Variants in FUT8 observed in about 807,000 individuals in gnomAD.
FUT8 encodes alpha-(1,6)-fucosyltransferase.
FUT8 carries 29 observed loss-of-function variants against 71.3 expected under a neutral mutation model. The ratio of observed to expected loss-of-function variants is 0.41; its 90% CI spans 0.30 to 0.55. The LOEUF (loss-of-function observed/expected upper bound fraction) is 0.55, where lower values mean the gene tolerates loss of function less well. FUT8 is among the 20% of genes least tolerant of loss of function. FUT8 has a pLI of 0.34. For missense variants in FUT8, 544 were observed against 702.1 expected, an observed-to-expected ratio of 0.77 and a Z score of 2.55; for synonymous variants, 254 against 239.3, an observed-to-expected ratio of 1.06 and a Z score of -0.57.
chr14:65,739,177 C>T (rs1896371201), intron 10 of FUT8, among the ~76,000 whole-genome samples: 1 of 151,978 alleles, frequency 6.6e-6, no homozygotes, highest in Non-Finnish European at 1.5e-5. Flanking sequence ...GAAGAGCACA[C>T]TATTATAACA....
At chr14:65,618,051 A>ATATATATATATG (rs1555376254) in intron 5 of FUT8, among the ~76,000 whole-genome samples, 27 of 84,260 alleles carry the variant, frequency 3.2e-4, no homozygotes, top group Non-Finnish European at 6.0e-4. Flanking sequence ...ATATATATAT[A>ATATATATATATG]TATGTATGTA....
chr14:65,531,677 T>G (rs756486471), intron 2 of FUT8, among the ~76,000 whole-genome samples: 5 of 152,172 alleles, frequency 3.3e-5, no homozygotes, highest in South Asian at 2.1e-4. Context: ...TACGTAAACT[T>G]GTGTTATGGG....
At position 65,439,952 on chromosome 14, in the gene FUT8, GTGTATATATATATATA is replaced by G. The variant is rs1165812761; in HGVS notation, c.-325-15667_-325-15652del. The stretch of plus-strand genomic sequence containing the variant: ...GGATAAAGAAAATGTGTGTGTGTGT[GTGTATATATATATATA>G]TATATATATATATATATATATATGT... On this transcript the variant is annotated intron_variant, in intron 1 of 10. Transcript: ENST00000673929. 1.3e-3 allele frequency among the ~76,000 whole-genome samples: 48 copies of G among 38,222 alleles called. 2 individuals are homozygous for G. The highest frequency in any genetic ancestry group is 5.7e-4 in the Non-Finnish European group (10 of 17,616). 25.1% of individuals were successfully genotyped at this position (38,222 alleles called of 152,430 possible).
At chr14:65,705,869 C>T (rs546281864) in intron 7 of FUT8, among the ~76,000 whole-genome samples, 1 of 152,130 alleles carries the variant, frequency 6.6e-6, no homozygotes, top group African/African-American at 2.4e-5. Flanking sequence ...CTGTGGTAAA[C>T]AGCATGAATT....
chr14:65,651,166 AT>A (rs974597196), intron 6 of FUT8, among the ~76,000 whole-genome samples: 3 of 152,062 alleles, frequency 2.0e-5, no homozygotes, highest in African/African-American at 7.3e-5. Context: ...TGGAGGGAGG[AT>A]TAAAAAGAGG....
At chr14:65,481,123 G>A (rs896680413) in intron 2 of FUT8, among the ~76,000 whole-genome samples, 1 of 151,206 alleles carries the variant, frequency 6.6e-6, no homozygotes, top group African/African-American at 2.4e-5. Context: ...TTTTCTGCTG[G>A]TTTTTTTTTA....
chr14:65,585,901 G>A (rs1887355173), intron 3 of FUT8, among the ~76,000 whole-genome samples: 2 of 152,070 alleles, frequency 1.3e-5, no homozygotes, highest in Admixed American at 1.3e-4. Flanking sequence ...AGCAAGGGAT[G>A]GAAACAGTTC....
rs77474251 is a variant in FUT8 at position 65,489,079 on chromosome 14, A to G, written c.-228+33361A>G. ...CAATATTTTAGTATTGTCATGTAGT[A>G]TTAAGTATTTTTCCATCAATGATTA... On this transcript the variant is annotated intron_variant, in intron 2 of 10. Coordinates refer to ENST00000673929, the MANE Select transcript of FUT8 (RefSeq NM_001371533.1). This position sits in a 1 kb window ranked among gnomAD's most constrained non-coding sequence, Gnocchi z 4.0. Among the ~76,000 whole-genome samples, 2,656 of 152,280 alleles carry G rather than the reference A, an allele frequency of 0.017. 78 individuals carry two copies. Among genetic ancestry groups the G allele is most frequent in the African/African-American group, 0.061 (2,518 of 41,550 alleles).
At chr14:65,424,619 C>T (rs754383785) in intron 1 of FUT8, among the ~76,000 whole-genome samples, 3 of 148,986 alleles carry the variant, frequency 2.0e-5, no homozygotes, top group Non-Finnish European at 4.4e-5. Flanking sequence ...CTCACTGCAA[C>T]GTCCACCTCT....
rs1193216664 is a variant in FUT8, at chr14:65,576,690, A to C, written c.203+14924A>C. On this transcript the variant is annotated intron_variant, in intron 3 of 10. Coordinates refer to ENST00000673929, the MANE Select transcript of FUT8 (RefSeq NM_001371533.1). ...AACACAGGTGTGTGCCATGATGCCC[A>C]GCTTGCTTTTTTTTTTTTTTTTTTT... is the stretch of plus-strand genomic sequence containing the variant. Among the ~76,000 whole-genome samples, 4 of 106,240 alleles carry C rather than the reference A, an allele frequency of 3.8e-5. No individual in the cohort carries two copies. The Admixed American group carries it at 4.3e-4, about 11-fold the overall frequency. 69.7% of individuals were successfully genotyped at this position (106,240 alleles called of 152,430 possible).
At chr14:65,423,385 CT>C (rs1285772691) in intron 1 of FUT8, among the ~76,000 whole-genome samples, 1 of 151,966 alleles carries the variant, frequency 6.6e-6, no homozygotes, top group East Asian at 1.9e-4. Context: ...CCTCAGCCCC[CT>C]GAATAGCTGG....
At chr14:65,434,291 T>C (rs894588615) in intron 1 of FUT8, among the ~76,000 whole-genome samples, 7 of 152,240 alleles carry the variant, frequency 4.6e-5, no homozygotes, top group African/African-American at 1.7e-4. Context: ...TTTTTTCTCC[T>C]GTTGGCCTCA....
At chr14:65,411,252 T>G (rs1268881217), upstream of FUT8, 1 of 152,256 alleles carries the variant, frequency 6.6e-6, no homozygotes, top group Non-Finnish European at 1.5e-5. Context: ...ATCTTCTGTG[T>G]GATCTTGGAC....
the FUT8 span, among the ~76,000 whole-genome samples, chr14:65,358,528 G>A: frequency 6.6e-6 from 1 of 152,066 alleles, no homozygotes; most frequent in South Asian, 2.1e-4. Flanking sequence ...AGGCTGGAGT[G>A]CAGTAGTATG....
At position 65,434,299 on chromosome 14, in the gene FUT8, T is replaced by C. The variant is rs527499024; in HGVS notation, c.-326+21085T>C. Among the ~76,000 whole-genome samples the C allele has an allele frequency of 2.8e-4, 43 of 152,348 alleles. 1 individual carries two copies. Among genetic ancestry groups the C allele is most frequent in the African/African-American group, 9.9e-4 (41 of 41,582 alleles). ...CATTTTATTTTTTCTCCTGTTGGCC[T>C]CATTTTCTGCTTATGTTAGAAAGCT... is the stretch of plus-strand genomic sequence containing the variant. On this transcript the variant is annotated intron_variant, in intron 1 of 10. Transcript: ENST00000673929.
chr14:65,724,978 C>A (rs1436845039), intron 9 of FUT8, among the ~76,000 whole-genome samples: 1 of 152,042 alleles, frequency 6.6e-6, no homozygotes, highest in Non-Finnish European at 1.5e-5. Context: ...GGAATTTGTG[C>A]GAATGTAAAC....
At chr14:65,623,298 TTTATGAC>T (rs1889724956) in intron 5 of FUT8, among the ~76,000 whole-genome samples, 1 of 152,196 alleles carries the variant, frequency 6.6e-6, no homozygotes, top group South Asian at 2.1e-4. Context: ...TTTTAATAGT[TTTATGAC>T]TATTGAAATA....
chr14:65,707,566 C>T (rs1419993367), intron 7 of FUT8, among the ~76,000 whole-genome samples: 2 of 151,966 alleles, frequency 1.3e-5, no homozygotes, highest in Non-Finnish European at 2.9e-5. Flanking sequence ...AAATTGTTGC[C>T]CACACCACTG....
intron 5 of FUT8, among the ~76,000 whole-genome samples, chr14:65,617,371 C>T (rs191144062): frequency 6.6e-6 from 1 of 152,282 alleles, no homozygotes; most frequent in Non-Finnish European, 1.5e-5. Context: ...TTAGGCCACA[C>T]ATTGGACAGA....
Sources: allele counts gnomAD v4.1 joint callset (sites outside exome capture counted in the v4.1 genomes callset), GRCh38; gene constraint gnomAD v4.1.1; non-coding constraint Gnocchi (gnomAD v3.1); transcripts MANE v1.5; gene names NCBI Gene and HGNC (gene_info 2026-07-23, HGNC 2026-07-21).